Variants in CSRNP3 observed in about 807,000 individuals in gnomAD.
The protein encoded by CSRNP3 is cysteine/serine-rich nuclear protein 3.
In CSRNP3, 12 loss-of-function variants were observed where a neutral mutation model predicts 48.0. That is an observed-to-expected ratio of 0.25 (90% CI 0.16 to 0.41). The LOEUF (loss-of-function observed/expected upper bound fraction) is 0.41, where lower values mean the gene tolerates loss of function less well. Ranked by LOEUF, CSRNP3 falls within the 10% of genes least tolerant of loss-of-function variation. The probability of loss-of-function intolerance (pLI) is 1.00; values close to 1 mark genes in which losing one functional copy is unlikely to be tolerated. For missense variants in CSRNP3, 580 were observed against 724.4 expected (o/e 0.80, Z 2.29); for synonymous variants, 263 against 269.7 (o/e 0.98, Z 0.24).
chr2:165,632,694 G>A (rs1463439555), intron 4 of CSRNP3, among the ~76,000 whole-genome samples: 1 of 152,116 alleles, frequency 6.6e-6, no homozygotes, highest in Non-Finnish European at 1.5e-5. Context: ...TCATAAAAAG[G>A]AACTTAAATG....
chr2:165,687,621 C>T lies in CSRNP3; in HGVS notation c.*7868C>T, dbSNP rs1019667064. On this transcript the variant is annotated 3_prime_UTR_variant, in exon 7 of 7. Coordinates refer to ENST00000651982, the MANE Select transcript of CSRNP3 (RefSeq NM_001172173.2). Reference sequence around the variant, plus strand: ...AGAGTCTGATGGAATAAAATGACTCCAGAGATTTACACAGCCACCATTTGA... The same window carrying T: ...AGAGTCTGATGGAATAAAATGACTCTAGAGATTTACACAGCCACCATTTGA... 7.9e-5 allele frequency: 12 copies of T among 151,980 alleles called. No individual in the cohort carries two copies. The highest frequency in any genetic ancestry group is 2.9e-4 in the African/African-American group (12 of 41,398). The allele number at this position is 151,980 out of a possible 1,614,324, so 9.4% of individuals were successfully genotyped here. A position where few individuals can be genotyped will look rare whatever the true frequency, so the allele number is the denominator to read the frequency against.
chr2:165,657,682 A>G, intron 4 of CSRNP3, 79 bp from the exon 5 acceptor site: 3 of 1,547,586 alleles, frequency 1.9e-6, no homozygotes, highest in Admixed American at 3.5e-5. Context: ...TAGATTCAAG[A>G]TCACCAAATG....
At chr2:165,674,681 AATAT>A (rs59117817) in intron 5 of CSRNP3, among the ~76,000 whole-genome samples, 6,883 of 103,142 alleles carry the variant, frequency 0.067, 274 homozygotes, top group Middle Eastern at 0.1. Context: ...AATACTTCTG[AATAT>A]ATATATATAT....
At chr2:165,499,942 C>G (rs1684333871) in intron 2 of CSRNP3, among the ~76,000 whole-genome samples, 1 of 150,652 alleles carries the variant, frequency 6.6e-6, no homozygotes, top group African/African-American at 2.4e-5. Context: ...ATTTACAGTT[C>G]TAGACATTTG....
chr2:165,582,562 A>G (rs868284991), intron 3 of CSRNP3, among the ~76,000 whole-genome samples: 2 of 152,226 alleles, frequency 1.3e-5, no homozygotes, highest in Middle Eastern at 3.2e-3. Context: ...AGCTGGAAAG[A>G]GCCCTGTCCT....
At chr2:165,546,095 G>C (rs1157373827) in intron 3 of CSRNP3, among the ~76,000 whole-genome samples, 1 of 152,164 alleles carries the variant, frequency 6.6e-6, no homozygotes, top group African/African-American at 2.4e-5. Flanking sequence ...ATAACATGAA[G>C]TAGAAGACCT....
chr2:165,533,352 A>C (rs1162089028), intron 3 of CSRNP3, among the ~76,000 whole-genome samples: 5 of 152,078 alleles, frequency 3.3e-5, no homozygotes, highest in African/African-American at 9.7e-5. Flanking sequence ...AATCGTTTTC[A>C]CCCTCCAATC....
chr2:165,664,775 T>A (rs963240445), intron 5 of CSRNP3, among the ~76,000 whole-genome samples: 18 of 152,170 alleles, frequency 1.2e-4, no homozygotes, highest in African/African-American at 4.1e-4. Flanking sequence ...TGGAATACAC[T>A]AAGGATATAG....
At chr2:165,479,738 T>C (rs953020102) in intron 1 of CSRNP3, among the ~76,000 whole-genome samples, 2 of 151,738 alleles carry the variant, frequency 1.3e-5, no homozygotes, top group African/African-American at 4.8e-5. Context: ...TCAAAAAAAT[T>C]AGTCAGGCAT....
chr2:165,576,133 A>G (rs1401165095), intron 3 of CSRNP3, among the ~76,000 whole-genome samples: 1 of 149,686 alleles, frequency 6.7e-6, no homozygotes, highest in East Asian at 1.9e-4. Flanking sequence ...GCATAAAACA[A>G]TATATATATA....
chr2:165,546,499 T>G (rs113750832), intron 3 of CSRNP3, among the ~76,000 whole-genome samples: 1,813 of 152,232 alleles, frequency 0.012, 36 homozygotes, highest in African/African-American at 0.041. Flanking sequence ...CCTCTCTGTC[T>G]TCTGTAACGC....
At chr2:165,633,570 A>T (rs1686574663) in intron 4 of CSRNP3, among the ~76,000 whole-genome samples, 1 of 152,106 alleles carries the variant, frequency 6.6e-6, no homozygotes, top group South Asian at 2.1e-4. Context: ...CTCCCAGCTC[A>T]CAAGCTTTCC....
intron 4 of CSRNP3, among the ~76,000 whole-genome samples, chr2:165,608,789 TAAA>T (rs34437387): frequency 5.1e-4 from 75 of 148,082 alleles, no homozygotes; most frequent in Admixed American, 1.9e-3. Flanking sequence ...GTAAAAAAAT[TAAA>T]AAAAAAAAAA....
chr2:165,557,426 G>T (rs1685174119), intron 3 of CSRNP3, among the ~76,000 whole-genome samples: 1 of 152,206 alleles, frequency 6.6e-6, no homozygotes, highest in Non-Finnish European at 1.5e-5. Flanking sequence ...TATCATATCT[G>T]TGAAGAAAGA....
chr2:165,633,920 CT>C (rs1686584674), intron 4 of CSRNP3, among the ~76,000 whole-genome samples: 2 of 152,190 alleles, frequency 1.3e-5, no homozygotes, highest in African/African-American at 4.8e-5. Flanking sequence ...CACAAAGCCT[CT>C]CATGATCTTT....
intron 3 of CSRNP3, among the ~76,000 whole-genome samples, chr2:165,537,680 G>T (rs1684898778): frequency 6.6e-6 from 1 of 151,534 alleles, no homozygotes. Context: ...TCATTATATT[G>T]TTCACTCCAA....
chr2:165,515,377 A>G (rs548536594), intron 2 of CSRNP3, among the ~76,000 whole-genome samples: 1 of 150,514 alleles, frequency 6.6e-6, no homozygotes, highest in Non-Finnish European at 1.5e-5. Flanking sequence ...AGATCACTAG[A>G]TTTCTCAATA....
At chr2:165,558,251 A>G (rs1214281781) in intron 3 of CSRNP3, among the ~76,000 whole-genome samples, 2 of 152,114 alleles carry the variant, frequency 1.3e-5, no homozygotes, top group African/African-American at 2.4e-5. Context: ...GGTATACTCT[A>G]CTCATTCACT....
intron 3 of CSRNP3, among the ~76,000 whole-genome samples, chr2:165,526,843 T>G (rs1684738185): frequency 6.6e-6 from 1 of 152,150 alleles, no homozygotes; most frequent in Non-Finnish European, 1.5e-5. Context: ...TTGGTTCAAC[T>G]TTTCTAGAAG....
Sources: allele counts gnomAD v4.1 joint callset (sites outside exome capture counted in the v4.1 genomes callset), GRCh38; gene constraint gnomAD v4.1.1; transcripts MANE v1.5; gene names NCBI Gene and HGNC (gene_info 2026-07-23, HGNC 2026-07-21).